ZNF638: variants seen among roughly 807,000 people sequenced by gnomAD.
The protein encoded by ZNF638 is CTCL tumor antigen se33-1.
A neutral mutation model predicts 195.6 loss-of-function variants in ZNF638; 46 were observed. That is an observed-to-expected ratio of 0.24 (90% CI 0.19 to 0.30). The LOEUF (loss-of-function observed/expected upper bound fraction) is 0.30, where lower values mean the gene tolerates loss of function less well. Among genes scored for constraint, ZNF638 ranks in the 10% least tolerant of loss-of-function variants. The pLI is 1.00. For missense variants in ZNF638, 2,440 were observed against 2,325.3 expected, an observed-to-expected ratio of 1.05 and a Z score of -1.01; for synonymous variants, 845 against 772.0, an observed-to-expected ratio of 1.09 and a Z score of -1.57.
In ZNF638 at chr2:71,380,286, T is replaced by C; in HGVS notation, c.2324+6T>C. The stretch of plus-strand genomic sequence containing the variant: ...GTATCTGCATCTACCTTAAAGTAAG[T>C]GACTTTATGATTTCATATGTGAGAA... On this transcript the variant is annotated splice_donor_region_variant and intron_variant, in intron 9 of 27. Coordinates refer to ENST00000264447, the MANE Select transcript of ZNF638 (RefSeq NM_014497.5). 1.9e-6 allele frequency: 3 copies of C among 1,548,094 alleles called. No homozygotes were observed. The highest frequency in any genetic ancestry group is 2.6e-6 in the Non-Finnish European group (3 of 1,149,786).
At chr2:71,376,216 C>T (rs1478006914) in intron 8 of ZNF638, 1 of 152,150 alleles carries the variant, frequency 6.6e-6, no homozygotes, top group Non-Finnish European at 1.5e-5. Flanking sequence ...ATGCCATTTT[C>T]ATGGCAAATA....
chr2:71,368,002 G>A (rs2104291368), intron 6 of ZNF638, among the ~76,000 whole-genome samples: 1 of 152,278 alleles, frequency 6.6e-6, no homozygotes, highest in East Asian at 1.9e-4. Context: ...GGTAAGCAAA[G>A]CTGTAATTTC....
chr2:71,376,743 A>G (rs557889396), intron 8 of ZNF638, among the ~76,000 whole-genome samples: 9 of 152,300 alleles, frequency 5.9e-5, no homozygotes, highest in African/African-American at 1.9e-4. Flanking sequence ...TCCCTATGTT[A>G]ATATGGATTT....
chr2:71,393,615 A>G, intron 10 of ZNF638: 1 of 718,114 alleles, frequency 1.4e-6, no homozygotes, highest in Non-Finnish European at 2.6e-6. Flanking sequence ...CATTCACTCC[A>G]GATAATTTGT....
Position 71,406,355 on chromosome 2 carries a change from C to T in ZNF638, c.3135+93C>T, listed in dbSNP as rs1243673753. On this transcript the variant is annotated intron_variant, in intron 19 of 27. Coordinates refer to ENST00000264447, the MANE Select transcript of ZNF638 (RefSeq NM_014497.5). ...AATCTGCAACTTCTGATCTGAAGCACCTGTAAATATTACTCAACCACTTCG... is the reference window on the plus strand; with the variant it reads ...AATCTGCAACTTCTGATCTGAAGCATCTGTAAATATTACTCAACCACTTCG... The T allele has an allele frequency of 1.9e-5, 21 of 1,123,612 alleles. No individual in the cohort carries two copies. The East Asian group carries it at 4.3e-4, about 23-fold the overall frequency. The allele number at this position is 1,123,612 out of a possible 1,614,324, so 69.6% of individuals were successfully genotyped here.
intron 8 of ZNF638, among the ~76,000 whole-genome samples, chr2:71,377,746 T>C (rs2079458925): frequency 6.6e-6 from 1 of 152,206 alleles, no homozygotes; most frequent in South Asian, 2.1e-4. Flanking sequence ...GAAGACACAA[T>C]CTGTACATAA....
At chr2:71,414,070 T>A (rs886209083) in intron 20 of ZNF638, among the ~76,000 whole-genome samples, 1 of 143,926 alleles carries the variant, frequency 6.9e-6, no homozygotes. Context: ...TTCCTCCTTG[T>A]ACCTCTGGTA....
At position 71,428,662 on chromosome 2, in the gene ZNF638, A is replaced by T; in HGVS notation, c.5650+11A>T. 6.2e-7 allele frequency: 1 copy of T among 1,605,834 alleles called. No individual in the cohort carries two copies. Among genetic ancestry groups the T allele is most frequent in the Non-Finnish European group, 8.5e-7 (1 of 1,173,918 alleles). On this transcript the variant is annotated intron_variant, in intron 25 of 27. Coordinates refer to ENST00000264447, the MANE Select transcript of ZNF638 (RefSeq NM_014497.5). ...TCCAGATGAGTGAAGGTAAAGCAGG[A>T]TTGTTGGAATGGGAAGGAAAGTTAC...
At chr2:71,367,661 G>T (rs1209200607) in intron 6 of ZNF638, among the ~76,000 whole-genome samples, 1 of 151,342 alleles carries the variant, frequency 6.6e-6, no homozygotes, top group African/African-American at 2.4e-5. Context: ...GGCTGGTCTC[G>T]AACACCTGAC....
At chr2:71,355,643 G>A in intron 2 of ZNF638, 76 bp from the exon 3 acceptor site, 1 of 995,128 alleles carries the variant, frequency 1.0e-6, no homozygotes, top group Non-Finnish European at 1.5e-6. Flanking sequence ...AATATTATTT[G>A]TCTTTTTTAA....
intron 11 of ZNF638, among the ~76,000 whole-genome samples, chr2:71,396,954 TAAAC>T (rs907424027): frequency 6.6e-5 from 10 of 151,884 alleles, no homozygotes; most frequent in African/African-American, 1.7e-4. Flanking sequence ...CTCAAATAAA[TAAAC>T]AAACAAATAA....
chr2:71,418,502 T>G (rs1263190940), intron 20 of ZNF638, 100 bp from the exon 21 acceptor site: 2 of 832,644 alleles, frequency 2.4e-6, no homozygotes, highest in Admixed American at 3.0e-5. Flanking sequence ...TTTAAGGTTT[T>G]TTTTTTTGAG....
intron 8 of ZNF638, among the ~76,000 whole-genome samples, chr2:71,377,174 A>T (rs187963650): frequency 4.6e-5 from 7 of 152,102 alleles, no homozygotes; most frequent in African/African-American, 1.4e-4. Flanking sequence ...GTGCGGTGGG[A>T]GGATCGCTTG....
intron 1 of ZNF638, among the ~76,000 whole-genome samples, chr2:71,340,955 C>G (rs1174603107): frequency 6.6e-6 from 1 of 152,166 alleles, no homozygotes; most frequent in African/African-American, 2.4e-5. Context: ...TGATATAAAT[C>G]TTTTCCTTAT....
intron 1 of ZNF638, chr2:71,341,710 G>C (rs2078764885): frequency 6.6e-6 from 1 of 152,114 alleles, no homozygotes; most frequent in African/African-American, 2.4e-5. Flanking sequence ...GTTTTTCCAG[G>C]TTATTTATTT....
intron 1 of ZNF638, among the ~76,000 whole-genome samples, chr2:71,333,371 C>T (rs371826034): frequency 6.6e-6 from 1 of 152,234 alleles, no homozygotes; most frequent in Non-Finnish European, 1.5e-5. Context: ...TGGAAGAAAT[C>T]ACAAAATCTT....
At chr2:71,406,074 C>T in intron 18 of ZNF638, 54 bp from the exon 19 acceptor site, 5 of 1,599,352 alleles carry the variant, frequency 3.1e-6, no homozygotes, top group Non-Finnish European at 4.3e-6. Context: ...ATCTGTTTTA[C>T]CGTTTGTTGC....
intron 10 of ZNF638, among the ~76,000 whole-genome samples, chr2:71,392,857 C>T (rs533856301): frequency 6.6e-6 from 1 of 152,294 alleles, no homozygotes; most frequent in South Asian, 2.1e-4. Context: ...AGATGTTACA[C>T]ACGTCCCTAA....
At chr2:71,362,269 A>G (rs578034123) in intron 3 of ZNF638, among the ~76,000 whole-genome samples, 8 of 151,832 alleles carry the variant, frequency 5.3e-5, no homozygotes, top group African/African-American at 1.7e-4. Context: ...CTTTTTTCCT[A>G]TAAACTTCAT....
Sources: gnomAD v4.1 joint callset for allele counts (sites outside exome capture counted in the v4.1 genomes callset) on GRCh38, gnomAD v4.1.1 for gene constraint, MANE v1.5 for transcripts, NCBI Gene and HGNC (gene_info 2026-07-23, HGNC 2026-07-21) for gene names.